HOXC4: variants seen among roughly 807,000 people sequenced by gnomAD.
HOXC4 encodes the protein homeobox protein Hox-C4.
A neutral mutation model predicts 25.5 loss-of-function variants in HOXC4; 15 were observed. That is an observed-to-expected ratio of 0.59 (90% CI 0.39 to 0.91). The LOEUF (loss-of-function observed/expected upper bound fraction) is 0.91, where lower values mean the gene tolerates loss of function less well. HOXC4 is among the 40% of genes least tolerant of loss of function. The probability of loss-of-function intolerance (pLI) is 0.00; values close to 1 mark genes in which losing one functional copy is unlikely to be tolerated. For synonymous variants in HOXC4, 165 were observed against 148.0 expected, an observed-to-expected ratio of 1.11 and a Z score of -0.83; for missense variants, 342 against 352.4, an observed-to-expected ratio of 0.97 and a Z score of 0.24.
chr12:54,029,468 G>A (rs977437609), intron 1 of HOXC4, among the ~76,000 whole-genome samples: 4 of 141,512 alleles, frequency 2.8e-5, no homozygotes, highest in Non-Finnish European at 4.5e-5. Context: ...CTTATAGGAG[G>A]TCTGAAGTTG....
In HOXC4 at chr12:54,053,969, A is replaced by C; in HGVS notation, c.47A>C (p.Lys16Thr). ...YLMDSNYIDPKFPPCEEYSQN... is the reference protein window; with the variant it reads ...YLMDSNYIDPTFPPCEEYSQN... ...ATGGACTCTAACTACATCGATCCGA[A>C]ATTTCCTCCATGCGAAGAATATTCG... The change falls in exon 1 of 2, where the codon AAA (lysine) becomes ACA (threonine). Residue 16 changes from lysine (K) to threonine (T), a missense_variant. Lys to Thr is a moderately conservative substitution (Grantham distance 78, BLOSUM62 -1). Coordinates refer to ENST00000430889, the MANE Select transcript of HOXC4 (RefSeq NM_153633.3). 1 of 1,613,952 alleles carries C rather than the reference A, an allele frequency of 6.2e-7. No individual in the cohort carries two copies. Among genetic ancestry groups the C allele is most frequent in the Non-Finnish European group, 8.5e-7 (1 of 1,179,894 alleles).
intron 1 of HOXC4, among the ~76,000 whole-genome samples, chr12:54,044,661 C>T (rs1937654785): frequency 2.0e-5 from 3 of 152,120 alleles, no homozygotes; most frequent in Admixed American, 6.5e-5. Context: ...GGAGGAAACT[C>T]TGCAGTCTGT....
At chr12:54,031,671 C>T (rs184236165) in intron 1 of HOXC4, among the ~76,000 whole-genome samples, 2 of 152,168 alleles carry the variant, frequency 1.3e-5, no homozygotes, top group Admixed American at 1.3e-4. Flanking sequence ...CCGGGCCCTT[C>T]AGATTCCCTC....
Position 54,055,085 on chromosome 12 carries a change from A to G in HOXC4, c.675A>G (p.Ala225=), listed in dbSNP as rs1313508864. Residue 225 remains alanine, a synonymous_variant, in exon 2 of 2, where the codon GCA becomes GCG. Transcript: ENST00000430889. ...HRLPNTKVRS[A]PPAGAAPSTL... ...TCCCCAACACCAAAGTCAGGTCAGC[A>G]CCCCCGGCCGGCGCTGCGCCCAGCA... 6.2e-7 allele frequency: 1 copy of G among 1,613,102 alleles called. No individual in the cohort carries two copies. Among genetic ancestry groups the G allele is most frequent in the Non-Finnish European group, 8.5e-7 (1 of 1,179,794 alleles).
intron 1 of HOXC4, among the ~76,000 whole-genome samples, chr12:54,042,081 C>T (rs942294465): frequency 4.0e-5 from 6 of 150,052 alleles, no homozygotes; most frequent in South Asian, 2.1e-4. Flanking sequence ...TGGGTTCAAG[C>T]GATTCTCCTG....
chr12:54,022,819 T>C (rs1481283204), intron 1 of HOXC4, among the ~76,000 whole-genome samples: 1 of 152,118 alleles, frequency 6.6e-6, no homozygotes, highest in Non-Finnish European at 1.5e-5. Flanking sequence ...TTCTTGAATT[T>C]TATAATTCTC....
chr12:54,051,110 G>T (rs185808219), upstream of HOXC4, among the ~76,000 whole-genome samples: 36 of 152,206 alleles, frequency 2.4e-4, no homozygotes, highest in East Asian at 6.8e-3. Flanking sequence ...AGAAAAGAGG[G>T]TTAGCGTCAG....
chr12:54,030,149 T>A, intron 1 of HOXC4: 1 of 564,652 alleles, frequency 1.8e-6, no homozygotes, highest in Non-Finnish European at 3.1e-6. Flanking sequence ...ACAACTCTCT[T>A]TCACCACGCG....
intron 1 of HOXC4, among the ~76,000 whole-genome samples, chr12:54,039,579 T>G (rs1238317664): frequency 1.3e-5 from 2 of 152,050 alleles, no homozygotes; most frequent in East Asian, 3.9e-4. Context: ...AGCAACGCAT[T>G]GGAAAAAACT....
Position 54,054,122 on chromosome 12 carries a change from A to G in HOXC4, c.200A>G (p.Tyr67Cys). 6.2e-7 allele frequency: 1 copy of G among 1,614,062 alleles called. No homozygotes were observed. Among genetic ancestry groups the G allele is most frequent in the Non-Finnish European group, 8.5e-7 (1 of 1,179,980 alleles). ...PPRPSYPERQYSCTSLQGPGN... is the reference protein window; with the variant it reads ...PPRPSYPERQCSCTSLQGPGN... Reference sequence around the variant, plus strand: ...CGCCCTAGCTACCCTGAGCGCCAGTATAGCTGCACCAGTCTCCAGGGGCCC... The same window carrying G: ...CGCCCTAGCTACCCTGAGCGCCAGTGTAGCTGCACCAGTCTCCAGGGGCCC... The change falls in exon 1 of 2, where the codon TAT becomes TGT. Residue 67 changes from tyrosine (Y) to cysteine (C), a missense_variant. Tyr to Cys is a radical substitution (Grantham distance 194). Coordinates refer to ENST00000430889, the MANE Select transcript of HOXC4 (RefSeq NM_153633.3).
Position 54,054,351 on chromosome 12 carries a change from C to A in HOXC4, c.429C>A (p.His143Gln), listed in dbSNP as rs1400804947. ...TCTACCCATGGATGAAAAAAATTCA[C>A]GTTAGCACGGGTAGGCAACTTTGCT... is the stretch of plus-strand genomic sequence containing the variant. ...PIVYPWMKKI[H>Q]VSTVNPNYNG... Residue 143 changes from histidine to glutamine, a missense_variant, in exon 1 of 2, where the codon CAC becomes CAA. By Grantham distance (24) the His-to-Gln change is conservative. Transcript: ENST00000430889. The A allele has an allele frequency of 6.4e-7, 1 of 1,551,882 alleles. No individual in the cohort carries two copies. Among genetic ancestry groups the A allele is most frequent in the Non-Finnish European group, 8.7e-7 (1 of 1,151,620 alleles).
chr12:54,019,803 G>A (rs1057041781), intron 1 of HOXC4: 3 of 152,126 alleles, frequency 2.0e-5, no homozygotes, highest in Non-Finnish European at 4.4e-5. Context: ...GCACCATCCT[G>A]AGGTGTCTTT....
At chr12:54,045,752 G>A (rs1592245438) in intron 1 of HOXC4, among the ~76,000 whole-genome samples, 1 of 152,272 alleles carries the variant, frequency 6.6e-6, no homozygotes, top group East Asian at 1.9e-4. Context: ...AGTGGGGGTA[G>A]GGAACAAATA....
At chr12:54,017,753 G>A (rs1592217866) in intron 1 of HOXC4, among the ~76,000 whole-genome samples, 1 of 152,116 alleles carries the variant, frequency 6.6e-6, no homozygotes, top group Non-Finnish European at 1.5e-5. Context: ...ATAGATCTTC[G>A]GTCTCTTGGC....
chr12:54,032,122 A>G (rs1357662956), intron 1 of HOXC4, among the ~76,000 whole-genome samples: 1 of 152,250 alleles, frequency 6.6e-6, no homozygotes, highest in Non-Finnish European at 1.5e-5. Context: ...GAAACAGAGC[A>G]GTCCTCTAGA....
rs769360067 is a variant in HOXC4, at chr12:54,054,924, GAGAA to G, written c.518_521del (p.Lys173SerfsTer8). 8 of 1,614,008 alleles carry G rather than the reference GAGAA, an allele frequency of 5.0e-6. No homozygotes were observed. The highest frequency in any genetic ancestry group is 2.2e-5 in the East Asian group (1 of 44,858). ...TACCCGGCAGCAAGTCCTGGAATTAGAGAAAGAGTTTCATTACAACCGCTACCTG... is the reference window on the plus strand; with the variant it reads ...TACCCGGCAGCAAGTCCTGGAATTAGAGAGTTTCATTACAACCGCTACCTG... On this transcript the variant is annotated frameshift_variant, in exon 2 of 2. Coordinates refer to ENST00000430889, the MANE Select transcript of HOXC4 (RefSeq NM_153633.3). LOFTEE classifies it high-confidence loss of function.
intron 1 of HOXC4, among the ~76,000 whole-genome samples, chr12:54,024,413 C>G (rs1181906749): frequency 6.6e-6 from 1 of 152,164 alleles, no homozygotes; most frequent in Non-Finnish European, 1.5e-5. Flanking sequence ...GTATGTGTAT[C>G]TGTGTGCGAG....
intron 1 of HOXC4, chr12:54,020,551 A>G (rs1229690185): frequency 6.6e-6 from 1 of 152,244 alleles, no homozygotes; most frequent in Non-Finnish European, 1.5e-5. Flanking sequence ...TTTATTATAT[A>G]CAGGCTTAAA....
At chr12:54,052,973 C>T (rs996089663), upstream of HOXC4, among the ~76,000 whole-genome samples, 1 of 152,186 alleles carries the variant, frequency 6.6e-6, no homozygotes, top group Admixed American at 6.5e-5. Flanking sequence ...AGCTCTCCTC[C>T]TTGCCCCAGC....
Sources: allele counts gnomAD v4.1 joint callset (sites outside exome capture counted in the v4.1 genomes callset), GRCh38; gene constraint gnomAD v4.1.1; transcripts MANE v1.5; gene names NCBI Gene and HGNC (gene_info 2026-07-23, HGNC 2026-07-21).